NTNG1: variants seen among roughly 807,000 people sequenced by gnomAD.
NTNG1 encodes netrin-G1.
A neutral mutation model predicts 54.0 loss-of-function variants in NTNG1; 16 were observed. The ratio of observed to expected loss-of-function variants is 0.30; its 90% CI spans 0.20 to 0.45. NTNG1 has a LOEUF of 0.45. Ranked by LOEUF, NTNG1 falls within the 20% of genes least tolerant of loss-of-function variation. NTNG1 has a pLI of 1.00. For synonymous variants in NTNG1, 255 were observed against 263.1 expected (o/e 0.97, Z 0.30); for missense variants, 530 against 678.7 (o/e 0.78, Z 2.43).
In NTNG1 at chr1:107,349,480, C is replaced by T. The variant is rs1370620505; in HGVS notation, c.887+24558C>T. On this transcript the variant is annotated intron_variant, in intron 3 of 7. Coordinates refer to ENST00000370068, the MANE Select transcript of NTNG1 (RefSeq NM_001113226.3). ...ACAAAATTACCCACCTGTGAACCCACCACAGAATTTGAGAAATAGAATATT... is the reference window on the plus strand; with the variant it reads ...ACAAAATTACCCACCTGTGAACCCATCACAGAATTTGAGAAATAGAATATT... 2.6e-5 allele frequency among the ~76,000 whole-genome samples: 4 copies of T among 152,146 alleles called. No homozygotes were observed. The South Asian group carries it at 6.2e-4, about 24-fold the overall frequency.
chr1:107,169,273 G>T (rs1282245942), intron 2 of NTNG1, among the ~76,000 whole-genome samples: 1 of 152,078 alleles, frequency 6.6e-6, no homozygotes, highest in Non-Finnish European at 1.5e-5. Context: ...CTGGCCCTTG[G>T]CCAAGCTACA....
chr1:107,142,511 T>C (rs1441821473), intron 1 of NTNG1, among the ~76,000 whole-genome samples: 2 of 152,252 alleles, frequency 1.3e-5, no homozygotes, highest in Admixed American at 6.5e-5. Context: ...CAGGGAATAA[T>C]GGAGCCACTC....
intron 3 of NTNG1, among the ~76,000 whole-genome samples, chr1:107,381,348 TAAAAAAAAAAA>T (rs10598493): frequency 3.9e-5 from 2 of 51,616 alleles, no homozygotes; most frequent in Non-Finnish European, 7.0e-5. Flanking sequence ...TCTCTTTAAC[TAAAAAAAAAAA>T]AAAAAAAAAA....
chr1:107,296,837 G>A (rs1315434135), intron 2 of NTNG1, among the ~76,000 whole-genome samples: 1 of 148,588 alleles, frequency 6.7e-6, no homozygotes, highest in East Asian at 1.9e-4. Flanking sequence ...TAATAACTAA[G>A]GATGATTATA....
chr1:107,437,987 C>G (rs1675713257), intron 7 of NTNG1, among the ~76,000 whole-genome samples: 1 of 152,064 alleles, frequency 6.6e-6, no homozygotes. Context: ...CTATAGAAAA[C>G]TGTATATTAT....
In NTNG1 at chr1:107,297,920, C is replaced by T. The variant is rs539947935; in HGVS notation, c.247-26362C>T. Reference sequence around the variant, plus strand: ...CAAAAGCAGACCTGGATAAGAAGAGCATGCTACATAATGAAAATGACAATA... The same window carrying T: ...CAAAAGCAGACCTGGATAAGAAGAGTATGCTACATAATGAAAATGACAATA... On this transcript the variant is annotated intron_variant, in intron 2 of 7. Coordinates refer to ENST00000370068, the MANE Select transcript of NTNG1 (RefSeq NM_001113226.3). 5.9e-4 allele frequency among the ~76,000 whole-genome samples: 90 copies of T among 152,150 alleles called. 1 individual carries two copies. The highest frequency in any genetic ancestry group is 5.8e-3 in the Admixed American group (89 of 15,264).
chr1:107,213,441 G>T (rs1659728242), intron 2 of NTNG1, among the ~76,000 whole-genome samples: 1 of 152,136 alleles, frequency 6.6e-6, no homozygotes. Context: ...GAGGGGTGGA[G>T]CATGCGTGGA....
chr1:107,390,796 C>T (rs553235029), intron 3 of NTNG1, among the ~76,000 whole-genome samples: 1 of 152,270 alleles, frequency 6.6e-6, no homozygotes, highest in African/African-American at 2.4e-5. Flanking sequence ...AGGGATATTA[C>T]AATAAATAAA....
At chr1:107,415,270 A>T (rs952563627) in intron 5 of NTNG1, among the ~76,000 whole-genome samples, 2 of 152,126 alleles carry the variant, frequency 1.3e-5, no homozygotes, top group Non-Finnish European at 2.9e-5. Context: ...TTTGGGTTTC[A>T]CCAACAGTCA....
chr1:107,436,509 T>C (rs1007994271), intron 6 of NTNG1, among the ~76,000 whole-genome samples, 156 bp from the exon 7 acceptor site: 5 of 152,194 alleles, frequency 3.3e-5, no homozygotes, highest in African/African-American at 1.2e-4. Flanking sequence ...AGCGAATAAA[T>C]AAATGGTTGT....
At chr1:107,457,914 C>A (rs866479821) in intron 7 of NTNG1, among the ~76,000 whole-genome samples, 7 of 152,008 alleles carry the variant, frequency 4.6e-5, no homozygotes, top group Non-Finnish European at 8.8e-5. Flanking sequence ...ATTTGTATAT[C>A]CCAGCTTCCT....
At position 107,233,727 on chromosome 1, in the gene NTNG1, T is replaced by C. The variant is rs563581210; in HGVS notation, c.246+84888T>C. ...ATGGAATAGAAATCTTACTTGTAGATTTTGATTAGGGATTAATTACTTAAT... is the reference window on the plus strand; with the variant it reads ...ATGGAATAGAAATCTTACTTGTAGACTTTGATTAGGGATTAATTACTTAAT... On this transcript the variant is annotated intron_variant, in intron 2 of 7. Coordinates refer to ENST00000370068, the MANE Select transcript of NTNG1 (RefSeq NM_001113226.3). 5.3e-5 allele frequency among the ~76,000 whole-genome samples: 8 copies of C among 152,302 alleles called. No homozygotes were observed. The South Asian group carries it at 1.0e-3, about 20-fold the overall frequency.
intron 7 of NTNG1, among the ~76,000 whole-genome samples, chr1:107,475,274 C>G (rs1678241162): frequency 2.0e-5 from 3 of 152,174 alleles, no homozygotes; most frequent in Admixed American, 2.0e-4. Context: ...CACATTTCTC[C>G]TGATTGTTCT....
chr1:107,406,051 G>T (rs1053090856), intron 4 of NTNG1, among the ~76,000 whole-genome samples: 1 of 152,080 alleles, frequency 6.6e-6, no homozygotes, highest in South Asian at 2.1e-4. Flanking sequence ...CAGTAATTAA[G>T]CTGAAGCACT....
rs185176132 is a variant in NTNG1, at chr1:107,441,747, T to C, written c.1390+4948T>C. On this transcript the variant is annotated intron_variant, in intron 7 of 7. Transcript: ENST00000370068. ...ACACATTATATTGTGCTTATCATAA[T>C]AATAATAAAGAATGTCAAAGTTTCA... 9.5e-4 allele frequency among the ~76,000 whole-genome samples: 144 copies of C among 152,218 alleles called. 1 individual carries two copies. Among genetic ancestry groups the C allele is most frequent in the Non-Finnish European group, 1.5e-3 (99 of 67,994 alleles).
intron 2 of NTNG1, among the ~76,000 whole-genome samples, chr1:107,280,990 T>C (rs1055123935): frequency 7.4e-5 from 11 of 147,652 alleles, no homozygotes; most frequent in African/African-American, 2.4e-4. Flanking sequence ...TATGTTCTCT[T>C]TCTCTTCCTG....
chr1:107,216,843 T>A (rs1018543534), intron 2 of NTNG1, among the ~76,000 whole-genome samples: 4 of 151,938 alleles, frequency 2.6e-5, no homozygotes, highest in African/African-American at 9.7e-5. Flanking sequence ...ACGACCAGCT[T>A]AATTTTTGTA....
chr1:107,411,808 T>G (rs933230910), intron 5 of NTNG1, among the ~76,000 whole-genome samples: 2 of 152,194 alleles, frequency 1.3e-5, no homozygotes, highest in Admixed American at 1.3e-4. Context: ...GGGACTATCA[T>G]GTACCCAGTA....
chr1:107,221,547 A>AT (rs1660346259), intron 2 of NTNG1, among the ~76,000 whole-genome samples: 1 of 152,160 alleles, frequency 6.6e-6, no homozygotes, highest in African/African-American at 2.4e-5. Context: ...ATGTCAGGAA[A>AT]GGCTTTCTAG....
Sources: gnomAD v4.1 joint callset for allele counts (sites outside exome capture counted in the v4.1 genomes callset) on GRCh38, gnomAD v4.1.1 for gene constraint, MANE v1.5 for transcripts, NCBI Gene and HGNC (gene_info 2026-07-23, HGNC 2026-07-21) for gene names.